Variants in ATP10B observed in about 807,000 individuals in gnomAD.
ATP10B encodes the protein phospholipid-transporting ATPase VB.
ATP10B carries 122 observed loss-of-function variants against 141.2 expected under a neutral mutation model. That is an observed-to-expected ratio of 0.86 (90% CI 0.75 to 1.00). ATP10B has a LOEUF of 1.00. ATP10B is among the 50% of genes least tolerant of loss of function. ATP10B has a pLI of 0.00. For missense variants in ATP10B, 1,876 were observed against 1,825.3 expected (o/e 1.03, Z -0.51); for synonymous variants, 685 against 692.0 (o/e 0.99, Z 0.16).
At chr5:160,842,931 T>C (rs1201712747) in intron 1 of ATP10B, among the ~76,000 whole-genome samples, 1 of 151,826 alleles carries the variant, frequency 6.6e-6, no homozygotes, top group Non-Finnish European at 1.5e-5. Flanking sequence ...AGAAAACACT[T>C]CCCAATTTAT....
intron 2 of ATP10B, among the ~76,000 whole-genome samples, chr5:160,781,770 C>A (rs1359427696): frequency 1.3e-5 from 2 of 152,046 alleles, no homozygotes; most frequent in African/African-American, 2.4e-5. Flanking sequence ...TGCACAGCAA[C>A]CTATCTTGTT....
At chr5:160,693,591 G>A (rs918488033) in intron 3 of ATP10B, among the ~76,000 whole-genome samples, 1 of 152,202 alleles carries the variant, frequency 6.6e-6, no homozygotes, top group East Asian at 1.9e-4. Context: ...GAAACGGGAA[G>A]AAGTTCCTGA....
chr5:160,898,630 C>A, the ATP10B span, among the ~76,000 whole-genome samples: 4 of 152,316 alleles, frequency 2.6e-5, no homozygotes, highest in African/African-American at 9.6e-5. Context: ...TTTGACTCAG[C>A]AATCCCTTTA....
intron 1 of ATP10B, among the ~76,000 whole-genome samples, chr5:160,792,989 G>C (rs1475459042): frequency 6.6e-6 from 1 of 152,154 alleles, no homozygotes; most frequent in East Asian, 1.9e-4. Flanking sequence ...TTAGCCAGGA[G>C]GGCTAAGGCA....
intron 10 of ATP10B, among the ~76,000 whole-genome samples, chr5:160,637,523 C>G (rs186525030): frequency 2.0e-5 from 3 of 152,350 alleles, no homozygotes; most frequent in Admixed American, 1.3e-4. Context: ...AATGCTGTGA[C>G]AGCCCATAGC....
chr5:160,847,855 T>C (rs1776221320), intron 1 of ATP10B, among the ~76,000 whole-genome samples: 2 of 152,200 alleles, frequency 1.3e-5, no homozygotes, highest in African/African-American at 4.8e-5. Flanking sequence ...CAAAAATCTA[T>C]TTTCTAGTGT....
At chr5:160,614,413 A>G (rs1757890668) in intron 17 of ATP10B, 2 of 152,184 alleles carry the variant, frequency 1.3e-5, no homozygotes, top group Admixed American at 1.3e-4. Context: ...CCTCTCACAG[A>G]CTGAGCCTAG....
intron 1 of ATP10B, among the ~76,000 whole-genome samples, chr5:160,838,827 G>T (rs1318008145): frequency 2.0e-5 from 3 of 152,146 alleles, no homozygotes; most frequent in Non-Finnish European, 4.4e-5. Context: ...TTGGAGGTGG[G>T]ACCTGGTGGA....
At chr5:160,904,135 T>A in the ATP10B span, among the ~76,000 whole-genome samples, 1 of 152,040 alleles carries the variant, frequency 6.6e-6, no homozygotes, top group Non-Finnish European at 1.5e-5. Flanking sequence ...GTTTTTTGTT[T>A]TTTTTTTACT....
intron 16 of ATP10B, among the ~76,000 whole-genome samples, chr5:160,617,385 C>T (rs906879522): frequency 6.6e-6 from 1 of 152,194 alleles, no homozygotes; most frequent in African/African-American, 2.4e-5. Context: ...CAGAACACAG[C>T]TGAACATATC....
At position 160,620,484 on chromosome 5, in the gene ATP10B, A is replaced by G. The variant is rs375262733; in HGVS notation, c.2279T>C (p.Leu760Pro). Residue 760 changes from leucine to proline, a missense_variant, in exon 15 of 26, where the codon CTC (leucine) becomes CCC (proline). Physicochemically the swap from Leu to Pro is moderately conservative, Grantham distance 98. Coordinates refer to ENST00000327245, the MANE Select transcript of ATP10B (RefSeq NM_025153.3). ...LPQGTCLTFS[L>P]LCTLGFDSVR... ...AGAGTCAAAGCCCAGGGTGCAGAGG[A>G]GGCTGAAGGTGAGGCAGGTGCCCTG... is the stretch of plus-strand genomic sequence containing the variant. 5 of 1,614,222 alleles carry G rather than the reference A, an allele frequency of 3.1e-6. No homozygotes were observed. Among genetic ancestry groups the G allele is most frequent in the South Asian group, 1.1e-5 (1 of 91,088 alleles).
rs191416471 is a variant in ATP10B at position 160,565,761 on chromosome 5, C to G, written c.4078G>C (p.Glu1360Gln). 19 of 1,613,938 alleles carry G rather than the reference C, an allele frequency of 1.2e-5. No homozygotes were observed. The highest frequency in any genetic ancestry group is 3.3e-5 in the Admixed American group (2 of 59,998). The change falls in exon 26 of 26, where the codon GAA becomes CAA. Residue 1360 changes from glutamate (E) to glutamine (Q), a missense_variant. Glu to Gln is a conservative substitution (Grantham distance 29, BLOSUM62 2). Transcript: ENST00000327245. ...GGGTGGTGAGTTGGTCGAGCCACTT[C>G]GGGGACAGGGGCAGGCCTCTGTCTG... ...RSRQRPAPVP[E>Q]VARPTHHPVS...
chr5:160,894,162 CA>C, the ATP10B span, among the ~76,000 whole-genome samples: 1 of 152,050 alleles, frequency 6.6e-6, no homozygotes, highest in Non-Finnish European at 1.5e-5. Context: ...CACAACTCCT[CA>C]CCAGCAAGGG....
chr5:160,688,666 G>T, intron 4 of ATP10B, 94 bp downstream of exon 4: 1 of 654,664 alleles, frequency 1.5e-6, no homozygotes, highest in Non-Finnish European at 1.9e-6. Context: ...AATATATTGG[G>T]ACACATCTTA....
intron 7 of ATP10B, among the ~76,000 whole-genome samples, chr5:160,670,155 A>T (rs1990889): frequency 0.82 from 124,310 of 151,994 alleles, 51,165 homozygotes; most frequent in South Asian, 0.88. Flanking sequence ...TGGAACAGAC[A>T]TTAGACTCCT....
chr5:160,731,230 A>G (rs1298987820), intron 2 of ATP10B, among the ~76,000 whole-genome samples: 2 of 152,312 alleles, frequency 1.3e-5, no homozygotes, highest in Middle Eastern at 3.4e-3. Context: ...TTTGTGAGTA[A>G]AGATGGGGAA....
the ATP10B span, among the ~76,000 whole-genome samples, chr5:160,874,430 G>C: frequency 6.6e-6 from 1 of 152,062 alleles, no homozygotes; most frequent in Non-Finnish European, 1.5e-5. Context: ...CACAAAGATG[G>C]GGAAAAAACA....
chr5:160,569,349 G>A (rs888272576), intron 25 of ATP10B, 147 bp downstream of exon 25: 34 of 829,590 alleles, frequency 4.1e-5, no homozygotes, highest in Non-Finnish European at 6.0e-5. Context: ...GTCATTCATT[G>A]TTCTTTCTGT....
rs367662428 is a variant in ATP10B, at chr5:160,843,480, C to T, written c.-576+8461G>A. Among the ~76,000 whole-genome samples the T allele has an allele frequency of 4.0e-5, 6 of 150,790 alleles. 1 individual carries two copies. The highest frequency in any genetic ancestry group is 1.9e-4 in the East Asian group (1 of 5,136). On this transcript the variant is annotated intron_variant, in intron 1 of 25. Transcript: ENST00000327245. ...ACAAAGAGGAGTATCTAAGCAAACA[C>T]GTAAGTTACTACCAACAGAGCATTG...
Sources: allele counts gnomAD v4.1 joint callset (sites outside exome capture counted in the v4.1 genomes callset), GRCh38; gene constraint gnomAD v4.1.1; transcripts MANE v1.5; gene names NCBI Gene and HGNC (gene_info 2026-07-23, HGNC 2026-07-21).